Variants in SPPL3 observed in about 807,000 individuals in gnomAD.
The protein encoded by SPPL3 is signal peptide peptidase like 3.
SPPL3 carries 5 observed loss-of-function variants against 42.4 expected under a neutral mutation model. That is an observed-to-expected ratio of 0.12 (90% CI 0.06 to 0.25). The LOEUF (loss-of-function observed/expected upper bound fraction) is 0.25. Among genes scored for constraint, SPPL3 ranks in the 10% least tolerant of loss-of-function variants. The pLI is 1.00. For missense variants in SPPL3, 235 were observed against 489.0 expected, an observed-to-expected ratio of 0.48 and a Z score of 4.90; for synonymous variants, 195 against 181.8, an observed-to-expected ratio of 1.07 and a Z score of -0.58.
chr12:120,820,420 A>G (rs1319879600), intron 1 of SPPL3, among the ~76,000 whole-genome samples: 1 of 143,668 alleles, frequency 7.0e-6, no homozygotes, highest in African/African-American at 2.6e-5. Flanking sequence ...GGTTCACGCC[A>G]TTCTCCTGCC....
chr12:120,840,257 GAC>G (rs1871771734), intron 1 of SPPL3, among the ~76,000 whole-genome samples: 1 of 113,436 alleles, frequency 8.8e-6, no homozygotes, highest in African/African-American at 3.4e-5. Flanking sequence ...CAGCCTGAGC[GAC>G]AGAGTGAGAC....
intron 2 of SPPL3, 41 bp downstream of exon 2, chr12:120,810,768 C>G: frequency 6.7e-7 from 1 of 1,493,062 alleles, no homozygotes; most frequent in Non-Finnish European, 9.3e-7. Flanking sequence ...CTTCCTTCTT[C>G]CACCTCCAAC....
chr12:120,902,697 A>C (rs1874019491), intron 1 of SPPL3, among the ~76,000 whole-genome samples: 1 of 152,188 alleles, frequency 6.6e-6, no homozygotes, highest in Admixed American at 6.5e-5. Context: ...CTTTTCTAAG[A>C]AGGGAATGTC....
At chr12:120,853,983 TACACACACACAC>T (rs58246859) in intron 1 of SPPL3, among the ~76,000 whole-genome samples, 4,826 of 130,284 alleles carry the variant, frequency 0.037, 101 homozygotes, top group South Asian at 0.07. Context: ...CACGCACACA[TACACACACACAC>T]ACACACACAC....
At chr12:120,773,147 G>C (rs536006613) in intron 6 of SPPL3, among the ~76,000 whole-genome samples, 4 of 152,330 alleles carry the variant, frequency 2.6e-5, no homozygotes, top group African/African-American at 9.6e-5. Context: ...GATGTACCCA[G>C]AGCCCCTGCT....
At chr12:120,901,668 G>A (rs1873989208) in intron 1 of SPPL3, among the ~76,000 whole-genome samples, 1 of 150,102 alleles carries the variant, frequency 6.7e-6, no homozygotes, top group Non-Finnish European at 1.5e-5. Flanking sequence ...TCCAGATAAT[G>A]TAAAAATTTT....
intron 2 of SPPL3, among the ~76,000 whole-genome samples, chr12:120,802,335 ATATGTATGTATG>A (rs201825056): frequency 6.8e-6 from 1 of 147,412 alleles, no homozygotes; most frequent in Admixed American, 6.8e-5. Context: ...CTGCTTTTAT[ATATGTATGTATG>A]TATGTATGTG....
At chr12:120,824,312 A>AT (rs968064173) in intron 1 of SPPL3, among the ~76,000 whole-genome samples, 5 of 151,654 alleles carry the variant, frequency 3.3e-5, no homozygotes, top group Non-Finnish European at 5.9e-5. Flanking sequence ...TAACACTAAA[A>AT]TTTTTTTTTA....
At chr12:120,817,078 C>A (rs1331930805) in intron 1 of SPPL3, among the ~76,000 whole-genome samples, 1 of 151,564 alleles carries the variant, frequency 6.6e-6, no homozygotes, top group African/African-American at 2.4e-5. Flanking sequence ...TTACTTGAGC[C>A]CAGGAGTTCA....
chr12:120,848,991 C>T (rs1186514554), intron 1 of SPPL3, among the ~76,000 whole-genome samples: 2 of 151,798 alleles, frequency 1.3e-5, no homozygotes, highest in East Asian at 3.9e-4. Flanking sequence ...ATGTAAATAT[C>T]CATCTCTACA....
Position 120,762,655 on chromosome 12 carries a change from G to T in SPPL3, c.*2344C>A, listed in dbSNP as rs563413784. 1 of 148,612 alleles carries T rather than the reference G, an allele frequency of 6.7e-6. No homozygotes were observed. Among genetic ancestry groups the T allele is most frequent in the African/African-American group, 2.5e-5 (1 of 39,862 alleles). The allele number at this position is 148,612 out of a possible 1,614,324, so 9.2% of individuals were successfully genotyped here. A position where few individuals can be genotyped will look rare whatever the true frequency, so the allele number is the denominator to read the frequency against. ...GTCGCCCAGACTTGAGTGCAGTGGC[G>T]CAATCTCTGCTCACTGCAACCTCCG... On this transcript the variant is annotated 3_prime_UTR_variant, in exon 11 of 11. Coordinates refer to ENST00000353487, the MANE Select transcript of SPPL3 (RefSeq NM_139015.5).
chr12:120,792,318 T>C (rs910865044), intron 2 of SPPL3, among the ~76,000 whole-genome samples: 1 of 146,072 alleles, frequency 6.8e-6, no homozygotes, highest in African/African-American at 2.6e-5. Context: ...CAGTGAATAA[T>C]GTTGTGTACA....
intron 1 of SPPL3, among the ~76,000 whole-genome samples, chr12:120,846,679 A>G (rs191375281): frequency 5.3e-5 from 8 of 152,276 alleles, no homozygotes; most frequent in Admixed American, 5.2e-4. Context: ...AGAATAACAA[A>G]GCTCTCAAGA....
intron 7 of SPPL3, 116 bp downstream of exon 7, chr12:120,768,837 A>T (rs988079274): frequency 1.3e-5 from 11 of 826,644 alleles, no homozygotes; most frequent in Non-Finnish European, 2.1e-5. Flanking sequence ...CTGGAGAGAG[A>T]GTGATCAGCA....
chr12:120,857,926 T>C (rs921915250), intron 1 of SPPL3, among the ~76,000 whole-genome samples: 1 of 152,188 alleles, frequency 6.6e-6, no homozygotes, highest in African/African-American at 2.4e-5. Context: ...CATCTTTGCC[T>C]ATGTAGCAAA....
intron 1 of SPPL3, among the ~76,000 whole-genome samples, chr12:120,888,232 C>A (rs1420729147): frequency 6.6e-6 from 1 of 152,092 alleles, no homozygotes; most frequent in Non-Finnish European, 1.5e-5. Flanking sequence ...TCCACCACCA[C>A]GCCCAGCTAA....
At chr12:120,773,713 C>T (rs1306732044) in intron 6 of SPPL3, among the ~76,000 whole-genome samples, 3 of 152,214 alleles carry the variant, frequency 2.0e-5, no homozygotes, top group East Asian at 3.8e-4. Flanking sequence ...CAACCTGTGC[C>T]TCCCAGGTTC....
At chr12:120,869,164 T>C (rs113302478) in intron 1 of SPPL3, among the ~76,000 whole-genome samples, 2 of 152,180 alleles carry the variant, frequency 1.3e-5, no homozygotes, top group African/African-American at 4.8e-5. Flanking sequence ...TTGCATCAAT[T>C]TGAAACATCA....
chr12:120,803,034 T>C, intron 2 of SPPL3, among the ~76,000 whole-genome samples: 1 of 152,234 alleles, frequency 6.6e-6, no homozygotes, highest in East Asian at 1.9e-4. Flanking sequence ...ATATCCTCTT[T>C]ATGAAGGTCG....
Sources: allele counts gnomAD v4.1 joint callset (sites outside exome capture counted in the v4.1 genomes callset), GRCh38; gene constraint gnomAD v4.1.1; transcripts MANE v1.5; gene names NCBI Gene and HGNC (gene_info 2026-07-23, HGNC 2026-07-21).